ATAD5: variants seen among roughly 807,000 people sequenced by gnomAD.
ATAD5 encodes the protein ATPase family AAA domain-containing protein 5.
A neutral mutation model predicts 176.9 loss-of-function variants in ATAD5; 58 were observed. That is an observed-to-expected ratio of 0.33 (90% CI 0.27 to 0.41). The LOEUF is 0.41. Among genes scored for constraint, ATAD5 ranks in the 10% least tolerant of loss-of-function variants. The probability of loss-of-function intolerance (pLI) is 1.00; values close to 1 mark genes in which losing one functional copy is unlikely to be tolerated. For synonymous variants in ATAD5, 640 were observed against 712.6 expected, an observed-to-expected ratio of 0.90 and a Z score of 1.62; for missense variants, 1,789 against 2,094.1, an observed-to-expected ratio of 0.85 and a Z score of 2.84.
At chr17:30,875,698 G>A (rs1207725188) in intron 14 of ATAD5, among the ~76,000 whole-genome samples, 1 of 151,354 alleles carries the variant, frequency 6.6e-6, no homozygotes, top group South Asian at 2.1e-4. Context: ...TTGGGGGGCT[G>A]GGCAGGAGGA....
chr17:30,887,487 TG>T, intron 19 of ATAD5, 115 bp downstream of exon 19: 1 of 814,880 alleles, frequency 1.2e-6, no homozygotes, highest in Non-Finnish European at 1.9e-6. Flanking sequence ...GGGAGTGAGG[TG>T]GGAGGATCTC....
rs767373259 is a variant in ATAD5, at chr17:30,893,624, A to T, written c.4771A>T (p.Ser1591Cys). 15 of 1,613,906 alleles carry T rather than the reference A, an allele frequency of 9.3e-6. No homozygotes were observed. Among genetic ancestry groups the T allele is most frequent in the Non-Finnish European group, 1.3e-5 (15 of 1,179,974 alleles). ...CTTGGACTTTCCTGATCAATCTATT[A>T]GCCTGTCCTCTGTATCATCTTCCTC... Reference protein sequence around the residue: ...TDLDFPDQSISLSSVSSSSNA... With the variant: ...TDLDFPDQSICLSSVSSSSNA... The change falls in exon 21 of 23, where the codon AGC becomes TGC. Residue 1591 changes from serine to cysteine, a missense_variant. By Grantham distance (112) the Ser-to-Cys change is moderately radical. This residue lies in a region of ATAD5 where 403 missense variants were observed against 495.1 expected (regional missense o/e 0.81). Coordinates refer to ENST00000321990, the MANE Select transcript of ATAD5 (RefSeq NM_024857.5).
intron 10 of ATAD5, among the ~76,000 whole-genome samples, chr17:30,861,025 G>A (rs150630921): frequency 2.0e-5 from 3 of 151,458 alleles, no homozygotes; most frequent in East Asian, 1.9e-4. Flanking sequence ...GGCTGGTCTC[G>A]AACTCCTGAC....
In ATAD5 at chr17:30,893,781, C is replaced by T; in HGVS notation, c.4928C>T (p.Ser1643Phe). Residue 1643 changes from serine (S) to phenylalanine (F), a missense_variant, in exon 21 of 23, where the codon TCT becomes TTT. Physicochemically the swap from Ser to Phe is radical, Grantham distance 155 (BLOSUM62 -2). Transcript: ENST00000321990. ...GGAAAAAAATGTTCTGCCCTTGTTT[C>T]TCATTGTTTAAATTCTCTCTCTGAG... ...TAGKKCSALV[S>F]HCLNSLSEFM... The T allele has an allele frequency of 6.2e-7, 1 of 1,614,086 alleles. No homozygotes were observed.
intron 6 of ATAD5, among the ~76,000 whole-genome samples, chr17:30,850,613 G>C (rs1906820872): frequency 6.6e-6 from 1 of 150,916 alleles, no homozygotes; most frequent in Non-Finnish European, 1.5e-5. Flanking sequence ...TGAGAACATG[G>C]GGTATTTATC....
At chr17:30,860,804 A>T (rs983925180) in intron 10 of ATAD5, among the ~76,000 whole-genome samples, 192 bp downstream of exon 10, 2 of 152,038 alleles carry the variant, frequency 1.3e-5, no homozygotes, top group Admixed American at 6.6e-5. Flanking sequence ...CAATGGCACG[A>T]TCTTCGCTCA....
intron 14 of ATAD5, among the ~76,000 whole-genome samples, chr17:30,871,143 A>G (rs1011808182): frequency 7.7e-6 from 1 of 129,802 alleles, no homozygotes; most frequent in Admixed American, 7.9e-5. Context: ...TTACTATTCA[A>G]GTTTACACAT....
chr17:30,883,124 A>ATT (rs869117449), intron 18 of ATAD5, among the ~76,000 whole-genome samples: 16,455 of 137,306 alleles, frequency 0.12, 1,112 homozygotes, highest in South Asian at 0.24. Flanking sequence ...TAAACACCAG[A>ATT]TTTTTTTTTT....
chr17:30,877,481 A>T lies in ATAD5; in HGVS notation c.3850A>T (p.Asn1284Tyr). 6.2e-7 allele frequency: 1 copy of T among 1,605,476 alleles called. No homozygotes were observed. Among genetic ancestry groups the T allele is most frequent in the Non-Finnish European group, 8.5e-7 (1 of 1,173,852 alleles). The change falls in exon 16 of 23, where the codon AAT becomes TAT. Residue 1284 changes from asparagine to tyrosine, a missense_variant. Coordinates refer to ENST00000321990, the MANE Select transcript of ATAD5 (RefSeq NM_024857.5). ...TAAATCTACAAATGCAACTAATTCA[A>T]ATGTCAAAGACGTTGGAGCTGAAGA... The part of the protein sequence containing the change: ...QTKSTNATNS[N>Y]VKDVGAEEPS...
At chr17:30,885,254 C>T (rs183824294) in intron 18 of ATAD5, among the ~76,000 whole-genome samples, 74 of 152,120 alleles carry the variant, frequency 4.9e-4, no homozygotes, top group African/African-American at 1.8e-3. Flanking sequence ...GATCATAACT[C>T]ACTGTAACTT....
At chr17:30,856,879 GT>G in intron 7 of ATAD5, 75 bp from the exon 8 acceptor site, 1 of 1,329,024 alleles carries the variant, frequency 7.5e-7, no homozygotes, top group Non-Finnish European at 1.0e-6. Context: ...AACTTTTCAT[GT>G]TTACGTATTT....
At chr17:30,887,673 G>A (rs1026570494) in intron 19 of ATAD5, among the ~76,000 whole-genome samples, 6 of 152,072 alleles carry the variant, frequency 3.9e-5, no homozygotes, top group East Asian at 1.9e-4. Flanking sequence ...AATTAGCTGC[G>A]CAGGGTGGCA....
rs535770146 is a variant in ATAD5 at position 30,844,535 on chromosome 17, A to G, written c.2369-300A>G. 2.0e-3 allele frequency among the ~76,000 whole-genome samples: 290 copies of G among 144,474 alleles called. 1 individual carries two copies. The highest frequency in any genetic ancestry group is 7.3e-3 in the African/African-American group (274 of 37,296). The allele number at this position is 144,474 out of a possible 152,430, so 94.8% of individuals were successfully genotyped here. A position where few individuals can be genotyped will look rare whatever the true frequency, so the allele number is the denominator to read the frequency against. ...CTATTTTAGTAAGTAAAGTTATGGT[A>G]TAGTGAAGAGTTTTTCTTTTTTTTT... On this transcript the variant is annotated intron_variant, in intron 5 of 22. Transcript: ENST00000321990.
At chr17:30,858,986 T>C (rs1179776666) in intron 9 of ATAD5, among the ~76,000 whole-genome samples, 1 of 152,208 alleles carries the variant, frequency 6.6e-6, no homozygotes, top group Non-Finnish European at 1.5e-5. Flanking sequence ...TCCTTTCGCC[T>C]TAGCTTCCCA....
chr17:30,886,417 C>T (rs1347692358), intron 18 of ATAD5, among the ~76,000 whole-genome samples: 3 of 144,364 alleles, frequency 2.1e-5, no homozygotes, highest in Non-Finnish European at 4.5e-5. Flanking sequence ...TATTTATTTT[C>T]GAGACAGAGT....
intron 9 of ATAD5, among the ~76,000 whole-genome samples, chr17:30,859,615 C>T (rs140739097): frequency 0.019 from 2,826 of 152,240 alleles, 104 homozygotes; most frequent in African/African-American, 0.064. Context: ...CTCGCCTCAG[C>T]CTCCCAAATT....
chr17:30,848,731 T>C (rs1179451291), intron 6 of ATAD5, among the ~76,000 whole-genome samples: 1 of 152,228 alleles, frequency 6.6e-6, no homozygotes, highest in Non-Finnish European at 1.5e-5. Flanking sequence ...GTCTCTTTTC[T>C]TTATACTAAT....
chr17:30,888,140 A>T lies in ATAD5; in HGVS notation c.4258+768A>T, dbSNP rs560215937. Among the ~76,000 whole-genome samples, 4 of 152,246 alleles carry T rather than the reference A, an allele frequency of 2.6e-5. No individual in the cohort carries two copies. In the South Asian group the frequency reaches 8.3e-4, roughly 32 times the overall value. On this transcript the variant is annotated intron_variant, in intron 19 of 22. Transcript: ENST00000321990. ...GAGCCACCGTACTTGGCCCAAAAAAAAATTTTTTTTAATTAAAAAAACTCT... is the reference window on the plus strand; with the variant it reads ...GAGCCACCGTACTTGGCCCAAAAAATAATTTTTTTTAATTAAAAAAACTCT...
intron 11 of ATAD5, among the ~76,000 whole-genome samples, chr17:30,866,214 T>TC (rs1491255797): frequency 5.9e-5 from 7 of 118,202 alleles, no homozygotes; most frequent in Middle Eastern, 4.0e-3. Context: ...TTTTTTTTTT[T>TC]CAAGACAGAG....
Sources: allele counts gnomAD v4.1 joint callset (sites outside exome capture counted in the v4.1 genomes callset), GRCh38; gene constraint gnomAD v4.1.1; regional missense constraint gnomAD v4.1.1; transcripts MANE v1.5; gene names NCBI Gene and HGNC (gene_info 2026-07-23, HGNC 2026-07-21).